The following TP73 variants were observed in gnomAD, a reference collection of about 807,000 sequenced individuals.
TP73 encodes the protein tumor protein p73.
TP73 carries 25 observed loss-of-function variants against 62.5 expected under a neutral mutation model. The observed-to-expected ratio is 0.40, with a 90% CI of 0.29 to 0.56. The LOEUF is 0.56. Ranked by LOEUF, TP73 falls within the 20% of genes least tolerant of loss-of-function variation. The pLI is 0.46. For synonymous variants in TP73, 423 were observed against 377.5 expected (o/e 1.12, Z -1.40); for missense variants, 754 against 913.3 (o/e 0.83, Z 2.25).
chr1:3,686,133 A>G (rs1403925092), intron 3 of TP73, among the ~76,000 whole-genome samples: 2 of 152,168 alleles, frequency 1.3e-5, no homozygotes. Flanking sequence ...GGCTGCTCCC[A>G]TACTCAGGGG....
At chr1:3,708,400 T>G in intron 4 of TP73, 1 of 157,222 alleles carries the variant, frequency 6.4e-6, no homozygotes, top group Non-Finnish European at 1.4e-5. Flanking sequence ...TCTGATAACA[T>G]CACCTGTGCA....
chr1:3,705,129 T>C (rs950865763), intron 3 of TP73, among the ~76,000 whole-genome samples: 1 of 152,256 alleles, frequency 6.6e-6, no homozygotes, highest in African/African-American at 2.4e-5. Context: ...CTCAGATTCC[T>C]GGGCTCAAGA....
intron 8 of TP73, 69 bp from the exon 9 acceptor site, chr1:3,728,060 T>G: frequency 6.8e-7 from 1 of 1,473,720 alleles, no homozygotes. Flanking sequence ...CAGGTCTCCC[T>G]CCTCCCGGAA....
intron 3 of TP73, among the ~76,000 whole-genome samples, chr1:3,687,476 A>G (rs1408141748): frequency 2.6e-5 from 4 of 152,084 alleles, no homozygotes; most frequent in African/African-American, 9.7e-5. Context: ...ACCCGGACCC[A>G]CCCGAGGAGT....
intron 4 of TP73, among the ~76,000 whole-genome samples, chr1:3,713,986 G>A (rs1028586873): frequency 2.6e-5 from 4 of 152,092 alleles, no homozygotes. Flanking sequence ...CTAAAGCCCA[G>A]AGCCACCCCA....
intron 11 of TP73, among the ~76,000 whole-genome samples, 167 bp from the exon 12 acceptor site, chr1:3,730,760 T>C (rs1259875807): frequency 6.6e-6 from 1 of 152,134 alleles, no homozygotes; most frequent in Non-Finnish European, 1.5e-5. Flanking sequence ...GGGCCCCAGG[T>C]GTTCAGCCCT....
At chr1:3,706,990 C>T (rs959714073) in intron 3 of TP73, among the ~76,000 whole-genome samples, 15 of 152,042 alleles carry the variant, frequency 9.9e-5, no homozygotes, top group African/African-American at 3.6e-4. Context: ...AGCCATTGAA[C>T]AGCAGTTCCA....
At position 3,728,105 on chromosome 1, in the gene TP73, CGCCTGCCCTGCCTG is replaced by C; in HGVS notation, c.986-19_986-6del. 6.3e-7 allele frequency: 1 copy of C among 1,598,986 alleles called. No homozygotes were observed. The highest frequency in any genetic ancestry group is 1.1e-5 in the South Asian group (1 of 89,872). On this transcript the variant is annotated splice_polypyrimidine_tract_variant and intron_variant, in intron 8 of 13. Coordinates refer to ENST00000378295, the MANE Select transcript of TP73 (RefSeq NM_005427.4). ...ACCCTCTGGTCCTGCCTGCTCACCC[CGCCTGCCCTGCCTG>C]GCCTTCCAGCCTTCAAGCAGAGCCC...
At chr1:3,679,636 CTG>C (rs1353678133) in intron 1 of TP73, among the ~76,000 whole-genome samples, 1 of 150,956 alleles carries the variant, frequency 6.6e-6, no homozygotes, top group African/African-American at 2.4e-5. Flanking sequence ...CCCTGTCTCT[CTG>C]TCTCTGTCTC....
At chr1:3,667,765 G>A (rs1477833497) in intron 1 of TP73, among the ~76,000 whole-genome samples, 7 of 147,736 alleles carry the variant, frequency 4.7e-5, no homozygotes, top group Admixed American at 6.7e-5. Flanking sequence ...AAAAAAAAAA[G>A]AAAGAAAAAA....
intron 1 of TP73, among the ~76,000 whole-genome samples, chr1:3,660,176 G>T (rs955000647): frequency 6.6e-6 from 1 of 152,212 alleles, no homozygotes; most frequent in Non-Finnish European, 1.5e-5. Flanking sequence ...CTTGATATCA[G>T]ACTTCACCTG....
intron 1 of TP73, among the ~76,000 whole-genome samples, chr1:3,655,493 A>G (rs531661413): frequency 4.5e-4 from 69 of 152,356 alleles, no homozygotes; most frequent in Admixed American, 1.7e-3. Flanking sequence ...CAACCTTTTA[A>G]GATATCTGTA....
At chr1:3,702,692 C>T (rs919952555) in intron 3 of TP73, among the ~76,000 whole-genome samples, 20 of 152,240 alleles carry the variant, frequency 1.3e-4, no homozygotes, top group African/African-American at 4.3e-4. Flanking sequence ...GAAGGCCACC[C>T]GCTGGCTCTC....
chr1:3,691,176 C>G (rs555928144), intron 3 of TP73, among the ~76,000 whole-genome samples: 10 of 152,208 alleles, frequency 6.6e-5, no homozygotes, highest in African/African-American at 2.4e-4. Context: ...TGGGCAGGGA[C>G]CCGCAGCCAG....
chr1:3,717,659 C>T (rs1640720826), intron 4 of TP73, among the ~76,000 whole-genome samples: 1 of 152,188 alleles, frequency 6.6e-6, no homozygotes, highest in Admixed American at 6.5e-5. Context: ...GGCCTGAAGC[C>T]TAGAGGCCTG....
At position 3,663,397 on chromosome 1, in the gene TP73, G is replaced by T. The variant is rs958802251; in HGVS notation, c.-34+10756G>T. Among the ~76,000 whole-genome samples the T allele has an allele frequency of 6.6e-6, 1 of 152,186 alleles. No individual in the cohort carries two copies. Among genetic ancestry groups the T allele is most frequent in the African/African-American group, 2.4e-5 (1 of 41,446 alleles). ...CATATTTTCCTCCTGGGTTTGTGGG[G>T]TGTGGACAGCACGGAGCGTGATGAA... On this transcript the variant is annotated intron_variant, in intron 1 of 13. Coordinates refer to ENST00000378295, the MANE Select transcript of TP73 (RefSeq NM_005427.4). The surrounding 1 kb of genome is among the most constrained non-coding windows in gnomAD (Gnocchi z 4.7).
At chr1:3,676,303 A>G (rs1645367153) in intron 1 of TP73, among the ~76,000 whole-genome samples, 1 of 130,100 alleles carries the variant, frequency 7.7e-6, no homozygotes, top group Admixed American at 8.0e-5. Context: ...GAGGGGACAG[A>G]GAAACAGGAG....
At chr1:3,677,166 G>A (rs1645392927) in intron 1 of TP73, among the ~76,000 whole-genome samples, 1 of 152,112 alleles carries the variant, frequency 6.6e-6, no homozygotes, top group African/African-American at 2.4e-5. Context: ...GAAGCTGTGG[G>A]GGCCTAATTG....
chr1:3,723,513 GTAC>G, intron 6 of TP73, 44 bp downstream of exon 6: 2 of 1,298,860 alleles, frequency 1.5e-6, no homozygotes, highest in South Asian at 1.2e-5. Context: ...GCAGTCAGCT[GTAC>G]GGGTCGGGGG....
Sources: gnomAD v4.1 joint callset for allele counts (sites outside exome capture counted in the v4.1 genomes callset) on GRCh38, gnomAD v4.1.1 for gene constraint, Gnocchi (gnomAD v3.1) non-coding constraint, MANE v1.5 for transcripts, NCBI Gene and HGNC (gene_info 2026-07-23, HGNC 2026-07-21) for gene names.